The following TDRD1 variants were observed in gnomAD, a reference collection of about 807,000 sequenced individuals.
TDRD1 encodes tudor domain containing 1, also known as tudor domain-containing protein 1.
A neutral mutation model predicts 140.6 loss-of-function variants in TDRD1; 37 were observed. That is an observed-to-expected ratio of 0.26 (90% CI 0.20 to 0.35). TDRD1 has a LOEUF of 0.35. Ranked by LOEUF, TDRD1 falls within the 10% of genes least tolerant of loss-of-function variation. The pLI is 1.00. For missense variants in TDRD1, 1,243 were observed against 1,393.0 expected, an observed-to-expected ratio of 0.89 and a Z score of 1.71; for synonymous variants, 506 against 475.7, an observed-to-expected ratio of 1.06 and a Z score of -0.83.
At chr10:114,191,129 TTTTTC>T (rs1440696701) in intron 3 of TDRD1, 110 bp downstream of exon 3, 2 of 1,213,868 alleles carry the variant, frequency 1.6e-6, no homozygotes, top group African/African-American at 1.6e-5. Flanking sequence ...GATCAAATGT[TTTTTC>T]TTTTATGTAC....
exon 2 of TDRD1, chr10:114,188,026 C>G (rs762501442): frequency 1.2e-6 from 2 of 1,614,082 alleles, no homozygotes; most frequent in African/African-American, 2.7e-5. Flanking sequence ...ATAAAAAGAA[C>G]AATTTTTTGC....
At chr10:114,176,205 G>T (rs1056935329), upstream of TDRD1, among the ~76,000 whole-genome samples, 1 of 151,088 alleles carries the variant, frequency 6.6e-6, no homozygotes, top group African/African-American at 2.4e-5. The surrounding 1 kb of genome is among the most constrained non-coding windows in gnomAD (Gnocchi z 4.2). Flanking sequence ...TACATACTAT[G>T]TATTTTCTGA....
At chr10:114,191,406 A>G (rs2033955809) in intron 3 of TDRD1, among the ~76,000 whole-genome samples, 1 of 152,112 alleles carries the variant, frequency 6.6e-6, no homozygotes, top group Non-Finnish European at 1.5e-5. Context: ...CTCTTAATCC[A>G]TAGCAGCCAC....
At chr10:114,214,391 G>T (rs2035676704) in intron 16 of TDRD1, among the ~76,000 whole-genome samples, 1 of 152,102 alleles carries the variant, frequency 6.6e-6, no homozygotes, top group African/African-American at 2.4e-5. Flanking sequence ...GCCTGGTATA[G>T]TGGCTCACTC....
At chr10:114,225,559 A>T (rs1441776628) in intron 21 of TDRD1, among the ~76,000 whole-genome samples, 2 of 42,468 alleles carry the variant, frequency 4.7e-5, no homozygotes, top group Non-Finnish European at 9.2e-5. Flanking sequence ...CTACGCATTT[A>T]AAAAAAAAAA....
upstream of TDRD1, among the ~76,000 whole-genome samples, chr10:114,177,918 C>T (rs185043311): frequency 2.0e-3 from 299 of 151,286 alleles, 2 homozygotes; most frequent in African/African-American, 5.6e-3. Context: ...GTGAAACCTC[C>T]GCCTCCTGGG....
At chr10:114,203,319 A>G (rs2034885815) in intron 7 of TDRD1, 69 bp from the exon 8 acceptor site, 1 of 1,536,096 alleles carries the variant, frequency 6.5e-7, no homozygotes. Flanking sequence ...CTTAGTTACA[A>G]AGCTTTAAGA....
At chr10:114,214,630 A>T (rs1199979094) in intron 16 of TDRD1, among the ~76,000 whole-genome samples, 2 of 152,242 alleles carry the variant, frequency 1.3e-5, no homozygotes, top group East Asian at 3.8e-4. Context: ...GAATTATCAC[A>T]AACTCCACAC....
Position 114,208,516 on chromosome 10 carries a change from G to A in TDRD1, c.1385-2065G>A, listed in dbSNP as rs140977566. ...ACTTGGTCTCTAATGTCAGCATACC[G>A]AGCTAGCGACATCACCATGCTTTTG... On this transcript the variant is annotated intron_variant, in intron 11 of 25. Transcript: ENST00000251864. 3.3e-5 allele frequency among the ~76,000 whole-genome samples: 5 copies of A among 152,238 alleles called. No individual in the cohort carries two copies. In the East Asian group the frequency reaches 7.7e-4, roughly 24 times the overall value.
chr10:114,229,547 C>CTTTT (rs34051507), intron 25 of TDRD1, among the ~76,000 whole-genome samples: 3 of 126,244 alleles, frequency 2.4e-5, no homozygotes, highest in Non-Finnish European at 3.3e-5. Flanking sequence ...ATCTTTTAAT[C>CTTTT]TTTTTTTTTT....
At chr10:114,199,559 C>T (rs1171471935) in intron 4 of TDRD1, among the ~76,000 whole-genome samples, 2 of 152,206 alleles carry the variant, frequency 1.3e-5, no homozygotes, top group African/African-American at 4.8e-5. Flanking sequence ...ATGAAATGCA[C>T]AGACTTACAT....
At chr10:114,229,485 C>T (rs1564701373) in intron 25 of TDRD1, among the ~76,000 whole-genome samples, 2 of 151,828 alleles carry the variant, frequency 1.3e-5, no homozygotes, top group Non-Finnish European at 2.9e-5. Context: ...AACTTTCAGT[C>T]CTTTCTAATA....
chr10:114,206,611 G>GTTTTTTTT (rs33936742), intron 11 of TDRD1, among the ~76,000 whole-genome samples: 4 of 105,992 alleles, frequency 3.8e-5, no homozygotes, highest in Non-Finnish European at 5.9e-5. Flanking sequence ...GTTAGGGTTT[G>GTTTTTTTT]TTTTTTTTTT....
At chr10:114,183,405 A>G (rs922119248) in intron 1 of TDRD1, among the ~76,000 whole-genome samples, 5 of 152,238 alleles carry the variant, frequency 3.3e-5, no homozygotes, top group Admixed American at 3.3e-4. Context: ...AAATGTTTTC[A>G]TCTATAAAAA....
chr10:114,227,021 A>T, intron 22 of TDRD1, 51 bp from the exon 23 acceptor site: 1 of 958,678 alleles, frequency 1.0e-6, no homozygotes, highest in Non-Finnish European at 1.6e-6. Context: ...ATTTATCTAA[A>T]TTCTGTCTTT....
At chr10:114,188,375 GC>G (rs2033699729) in intron 2 of TDRD1, among the ~76,000 whole-genome samples, 5 of 152,160 alleles carry the variant, frequency 3.3e-5, no homozygotes, top group Admixed American at 3.3e-4. Flanking sequence ...GAGAGAATGA[GC>G]TTTTTCCCCA....
At chr10:114,180,109 T>C (rs893094379) in intron 1 of TDRD1, 3 of 152,370 alleles carry the variant, frequency 2.0e-5, no homozygotes, top group Non-Finnish European at 4.4e-5. Flanking sequence ...AAAAATACTT[T>C]AGTCCTCAAA....
At position 114,211,614 on chromosome 10, in the gene TDRD1, T is replaced by C. The variant is rs150802192; in HGVS notation, c.1661-252T>C. Among the ~76,000 whole-genome samples, 162 of 152,354 alleles carry C rather than the reference T, an allele frequency of 1.1e-3. 4 individuals are homozygous for C. The East Asian group carries it at 0.022, about 20-fold the overall frequency. On this transcript the variant is annotated intron_variant, in intron 13 of 25. Coordinates refer to ENST00000251864, the Ensembl canonical transcript of TDRD1. ...GGATATGTTCTCTGTACTAATGAGC[T>C]AACTCTACTGGAGAGACAAGGCATG...
chr10:114,189,046 G>A (rs763978281), intron 2 of TDRD1, among the ~76,000 whole-genome samples: 79 of 152,150 alleles, frequency 5.2e-4, no homozygotes, highest in Non-Finnish European at 8.8e-4. Context: ...CACAGTATTT[G>A]TCTTTTCTGC....
Sources: gnomAD v4.1 joint callset for allele counts (sites outside exome capture counted in the v4.1 genomes callset) on GRCh38, gnomAD v4.1.1 for gene constraint, Gnocchi (gnomAD v3.1) non-coding constraint, MANE v1.5 for transcripts, NCBI Gene and HGNC (gene_info 2026-07-23, HGNC 2026-07-21) for gene names.